TP63: variants seen among roughly 807,000 people sequenced by gnomAD.
TP63 encodes tumor protein p63, also known as tumor protein 63.
Under a neutral mutation model 82.8 loss-of-function variants are expected in TP63, and 17 were observed. That is an observed-to-expected ratio of 0.21 (90% CI 0.14 to 0.31). TP63 has a LOEUF of 0.31. Among genes scored for constraint, TP63 ranks in the 10% least tolerant of loss-of-function variants. The pLI is 1.00. For synonymous variants in TP63, 330 were observed against 321.7 expected, an observed-to-expected ratio of 1.03 and a Z score of -0.28; for missense variants, 648 against 895.3, an observed-to-expected ratio of 0.72 and a Z score of 3.52.
At chr3:189,839,142 T>C (rs1713612288) in intron 4 of TP63, among the ~76,000 whole-genome samples, 1 of 152,120 alleles carries the variant, frequency 6.6e-6, no homozygotes, top group Non-Finnish European at 1.5e-5. Flanking sequence ...GCTACTCATT[T>C]TCCTCGTTTT....
At chr3:189,669,356 C>CAA (rs201942199) in intron 1 of TP63, among the ~76,000 whole-genome samples, 49 of 115,158 alleles carry the variant, frequency 4.3e-4, no homozygotes, top group Non-Finnish European at 7.9e-4. Context: ...GTGTGTACTA[C>CAA]AAAAAAAAAA....
At chr3:189,746,672 G>A (rs948831675) in intron 3 of TP63, among the ~76,000 whole-genome samples, 1 of 151,342 alleles carries the variant, frequency 6.6e-6, no homozygotes, top group Non-Finnish European at 1.5e-5. Flanking sequence ...TAATAAAATG[G>A]CAGGTGTAAG....
chr3:189,812,217 T>C (rs774220088), intron 4 of TP63, among the ~76,000 whole-genome samples: 10 of 152,222 alleles, frequency 6.6e-5, no homozygotes, highest in Non-Finnish European at 1.5e-4. Flanking sequence ...ATATTTAAAG[T>C]ATATGTGCAT....
chr3:189,628,435 G>T (rs1214332582), upstream of TP63, among the ~76,000 whole-genome samples: 1 of 152,086 alleles, frequency 6.6e-6, no homozygotes, highest in Non-Finnish European at 1.5e-5. Context: ...TTGGCAGAGT[G>T]CATGTTCTTG....
rs1160371550 is a variant in TP63 at position 189,868,687 on chromosome 3, G to C, written c.1100G>C (p.Ser367Thr). 6.2e-7 allele frequency: 1 copy of C among 1,614,122 alleles called. No homozygotes were observed. Among genetic ancestry groups the C allele is most frequent in the South Asian group, 1.1e-5 (1 of 91,088 alleles). Residue 367 changes from serine (S) to threonine (T), a missense_variant, in exon 8 of 14, where the codon AGT becomes ACT. Physicochemically the swap from Ser to Thr is moderately conservative, Grantham distance 58 (BLOSUM62 1). This residue lies in a region of TP63 where 342 missense variants were observed against 425.7 expected (regional missense o/e 0.80). Transcript: ENST00000264731. Reference sequence around the variant, plus strand: ...ATCAGAAAGCAGCAAGTTTCGGACAGTACAAAGAACGGTGATGGTACGAAG... The same window carrying C: ...ATCAGAAAGCAGCAAGTTTCGGACACTACAAAGAACGGTGATGGTACGAAG... ...DSIRKQQVSDSTKNGDGTKRP... is the reference protein window; with the variant it reads ...DSIRKQQVSDTTKNGDGTKRP...
intron 1 of TP63, among the ~76,000 whole-genome samples, chr3:189,653,380 T>A (rs2108639778): frequency 6.6e-6 from 1 of 152,348 alleles, no homozygotes; most frequent in East Asian, 1.9e-4. Context: ...TAGGTTTCAT[T>A]CTATTTTTAA....
chr3:189,844,634 A>G (rs990668843), intron 4 of TP63, among the ~76,000 whole-genome samples: 3 of 152,182 alleles, frequency 2.0e-5, no homozygotes, highest in African/African-American at 7.2e-5. Context: ...CTCGATATGA[A>G]ATTTAAAATG....
intron 3 of TP63, among the ~76,000 whole-genome samples, chr3:189,774,421 T>C (rs549264906): frequency 2.0e-5 from 3 of 152,354 alleles, no homozygotes; most frequent in South Asian, 2.1e-4. Context: ...TCTTTCCTTA[T>C]GACCAAATAC....
At chr3:189,697,322 T>C (rs564549111) in intron 1 of TP63, among the ~76,000 whole-genome samples, 1 of 151,994 alleles carries the variant, frequency 6.6e-6, no homozygotes, top group South Asian at 2.1e-4. Context: ...TTGAATTGCT[T>C]TTTCTTCTTT....
At chr3:189,633,355 T>C (rs1236808904) in intron 1 of TP63, among the ~76,000 whole-genome samples, 4 of 152,012 alleles carry the variant, frequency 2.6e-5, no homozygotes, top group African/African-American at 9.7e-5. Flanking sequence ...CCATTAGTTA[T>C]TTTTCCTGAT....
intron 3 of TP63, among the ~76,000 whole-genome samples, chr3:189,773,332 G>A (rs140647947): frequency 2.0e-4 from 30 of 151,880 alleles, no homozygotes; most frequent in South Asian, 1.7e-3. Flanking sequence ...TCTTATTTTC[G>A]GTCAAAGTCC....
chr3:189,665,504 A>G (rs562196545), intron 1 of TP63, among the ~76,000 whole-genome samples: 1 of 152,074 alleles, frequency 6.6e-6, no homozygotes, highest in Admixed American at 6.6e-5. Flanking sequence ...GATGAAGTGA[A>G]TGTAATATTT....
At chr3:189,767,692 A>G (rs1023716859) in intron 3 of TP63, among the ~76,000 whole-genome samples, 2 of 152,162 alleles carry the variant, frequency 1.3e-5, no homozygotes, top group African/African-American at 4.8e-5. Flanking sequence ...GTTTTACCAT[A>G]TAGAGTGTAG....
intron 1 of TP63, among the ~76,000 whole-genome samples, chr3:189,639,313 G>A (rs1711597894): frequency 6.6e-6 from 1 of 152,088 alleles, no homozygotes; most frequent in African/African-American, 2.4e-5. Flanking sequence ...GTACTTATTG[G>A]TTAGTCAAGG....
intron 5 of TP63, 122 bp downstream of exon 5, chr3:189,864,540 C>CT: frequency 2.3e-6 from 1 of 443,286 alleles, no homozygotes; most frequent in South Asian, 4.7e-5. Flanking sequence ...GATCAGTCTG[C>CT]CTTTTTTTTT....
intron 9 of TP63, among the ~76,000 whole-genome samples, chr3:189,872,207 C>T (rs930713922): frequency 3.9e-5 from 6 of 152,112 alleles, no homozygotes; most frequent in Admixed American, 1.3e-4. Context: ...ATCATCTCAT[C>T]GCTCCTAAGA....
intron 10 of TP63, among the ~76,000 whole-genome samples, chr3:189,882,042 G>A (rs1367140757): frequency 2.7e-5 from 4 of 149,954 alleles, no homozygotes; most frequent in Admixed American, 2.7e-4. Flanking sequence ...TAGTATTTTA[G>A]ATAAATATTT....
chr3:189,722,271 T>C (rs1328572393), intron 1 of TP63, among the ~76,000 whole-genome samples: 1 of 152,162 alleles, frequency 6.6e-6, no homozygotes, highest in South Asian at 2.1e-4. Flanking sequence ...CATAAAGGAA[T>C]GACAGAGGAC....
chr3:189,894,590 G>T lies in TP63; in HGVS notation c.*88G>T. ...CTTAATCTTCAAAGCCTTCTCCCTA[G>T]CTCCTCCCCTTCCTCTTGTCTGATT... On this transcript the variant is annotated 3_prime_UTR_variant, in exon 14 of 14. Coordinates refer to ENST00000264731, the MANE Select transcript of TP63 (RefSeq NM_003722.5). 5 of 1,477,562 alleles carry T rather than the reference G, an allele frequency of 3.4e-6. No individual in the cohort carries two copies. Among genetic ancestry groups the T allele is most frequent in the Middle Eastern group, 2.4e-4 (1 of 4,202 alleles). 91.5% of individuals were successfully genotyped at this position (1,477,562 alleles called of 1,614,324 possible). A position where few individuals can be genotyped will look rare whatever the true frequency, so the allele number is the denominator to read the frequency against.
Sources: gnomAD v4.1 joint callset for allele counts (sites outside exome capture counted in the v4.1 genomes callset) on GRCh38, gnomAD v4.1.1 for gene constraint, gnomAD v4.1.1 regional missense constraint, MANE v1.5 for transcripts, NCBI Gene and HGNC (gene_info 2026-07-23, HGNC 2026-07-21) for gene names.